TBCD: variants seen among roughly 807,000 people sequenced by gnomAD.
The protein encoded by TBCD is tubulin-specific chaperone D.
In TBCD, 105 loss-of-function variants were observed where a neutral mutation model predicts 169.3. That is an observed-to-expected ratio of 0.62 (90% CI 0.53 to 0.73). The LOEUF (loss-of-function observed/expected upper bound fraction) is 0.73. Among genes scored for constraint, TBCD ranks in the 30% least tolerant of loss-of-function variants. The pLI is 0.00. For missense variants in TBCD, 1,444 were observed against 1,600.1 expected (o/e 0.90, Z 1.66); for synonymous variants, 700 against 643.9 (o/e 1.09, Z -1.32).
chr17:82,863,340 C>G (rs193200942), intron 13 of TBCD, among the ~76,000 whole-genome samples: 1 of 152,138 alleles, frequency 6.6e-6, no homozygotes, highest in Non-Finnish European at 1.5e-5. Flanking sequence ...TTCGCAGACC[C>G]GGACGCAGCG....
intron 13 of TBCD, among the ~76,000 whole-genome samples, chr17:82,845,552 G>A: frequency 6.7e-6 from 1 of 149,638 alleles, no homozygotes; most frequent in Non-Finnish European, 1.5e-5. Flanking sequence ...ATCTTGTGTG[G>A]CCCAGCCCCT....
intron 5 of TBCD, among the ~76,000 whole-genome samples, chr17:82,770,946 G>A (rs2048276267): frequency 6.6e-6 from 1 of 151,728 alleles, no homozygotes; most frequent in Non-Finnish European, 1.5e-5. Context: ...CTACTTGGGA[G>A]GCTGAGGCAG....
chr17:82,846,316 CAG>C (rs1567879208), intron 13 of TBCD, among the ~76,000 whole-genome samples: 5,595 of 144,922 alleles, frequency 0.039, 523 homozygotes, highest in African/African-American at 0.084. Context: ...GTGCTGCGTC[CAG>C]CGTGCCGTGT....
At chr17:82,926,521 G>C in intron 28 of TBCD, 30 bp downstream of exon 28, 1 of 1,598,288 alleles carries the variant, frequency 6.3e-7, no homozygotes, top group Non-Finnish European at 8.6e-7. Flanking sequence ...CCCTAAAGTC[G>C]TAAGTCTCTG....
intron 29 of TBCD, 65 bp from the exon 30 acceptor site, chr17:82,927,840 G>A (rs142698206): frequency 1.4e-6 from 2 of 1,439,588 alleles, no homozygotes; most frequent in African/African-American, 1.4e-5. Flanking sequence ...CCGGCGTGGT[G>A]GGCAGAACCA....
Position 82,789,086 on chromosome 17 carries a change from A to G in TBCD, c.771+7365A>G, listed in dbSNP as rs1010603325. 2.0e-5 allele frequency among the ~76,000 whole-genome samples: 3 copies of G among 152,064 alleles called. No individual in the cohort carries two copies. Among genetic ancestry groups the G allele is most frequent in the Non-Finnish European group, 4.4e-5 (3 of 68,010 alleles). The stretch of plus-strand genomic sequence containing the variant: ...GTGCTCTCTTGGGGCAAGGTTTTGG[A>G]TGGAGAAAATAGGACAAGAGCAGTT... On this transcript the variant is annotated intron_variant, in intron 7 of 38. Coordinates refer to ENST00000355528, the MANE Select transcript of TBCD (RefSeq NM_005993.5). This position sits in a 1 kb window ranked among gnomAD's most constrained non-coding sequence, Gnocchi z 4.8.
chr17:82,803,649 G>C (rs569452342), intron 9 of TBCD, among the ~76,000 whole-genome samples: 3 of 152,184 alleles, frequency 2.0e-5, no homozygotes, highest in Non-Finnish European at 4.4e-5. Context: ...GCTTCCCCTC[G>C]CTGGGGATTG....
At chr17:82,937,817 C>A (rs1441328832) in intron 35 of TBCD, 2 of 1,444,518 alleles carry the variant, frequency 1.4e-6, no homozygotes, top group South Asian at 2.8e-5. Context: ...TGCAGGAGAT[C>A]CTCTGTGAGG....
intron 17 of TBCD, among the ~76,000 whole-genome samples, chr17:82,896,452 AG>A (rs1268550402): frequency 7.6e-5 from 8 of 104,620 alleles, no homozygotes; most frequent in Non-Finnish European, 1.3e-4. Context: ...CTGTGCTGTC[AG>A]TTTTTTTTTT....
intron 34 of TBCD, 110 bp downstream of exon 34, chr17:82,932,845 G>A: frequency 9.1e-7 from 1 of 1,100,008 alleles, no homozygotes; most frequent in Non-Finnish European, 1.3e-6. Flanking sequence ...TGATCTTCCA[G>A]TGCGTTCTGG....
chr17:82,880,054 C>T lies in TBCD; in HGVS notation c.1476-4091C>T, dbSNP rs113262454. ...CCTTTGCTCATGGGCTCTTCATCTACCTTCACAGCCAGCCACGTCCACGTC... is the reference window on the plus strand; with the variant it reads ...CCTTTGCTCATGGGCTCTTCATCTATCTTCACAGCCAGCCACGTCCACGTC... On this transcript the variant is annotated intron_variant, in intron 14 of 38. Transcript: ENST00000355528. The surrounding 1 kb of genome is among the most constrained non-coding windows in gnomAD (Gnocchi z 5.0). 8.5e-5 allele frequency among the ~76,000 whole-genome samples: 13 copies of T among 152,270 alleles called. No homozygotes were observed. Among genetic ancestry groups the T allele is most frequent in the African/African-American group, 3.1e-4 (13 of 41,540 alleles).
chr17:82,939,812 C>T (rs1420185187), intron 37 of TBCD, among the ~76,000 whole-genome samples: 2 of 152,210 alleles, frequency 1.3e-5, no homozygotes, highest in African/African-American at 4.8e-5. Context: ...TGCCCCAGAC[C>T]TCTCTAAAGT....
At chr17:82,783,537 G>A (rs183230193) in intron 7 of TBCD, among the ~76,000 whole-genome samples, 308 of 152,234 alleles carry the variant, frequency 2.0e-3, no homozygotes, top group African/African-American at 6.6e-3. Context: ...CCCTGCAGCC[G>A]TGGATCCATG....
At chr17:82,827,427 A>G (rs1303012189) in intron 13 of TBCD, among the ~76,000 whole-genome samples, 1 of 152,212 alleles carries the variant, frequency 6.6e-6, no homozygotes, top group African/African-American at 2.4e-5. Context: ...CCCTTTCTCA[A>G]GCAGAGCCTT....
rs2049557431 is a variant in TBCD at position 82,789,604 on chromosome 17, C to T, written c.771+7883C>T. 6.6e-6 allele frequency among the ~76,000 whole-genome samples: 1 copy of T among 152,206 alleles called. No homozygotes were observed. The highest frequency in any genetic ancestry group is 2.1e-4 in the South Asian group (1 of 4,834). ...GGGGTGCCCCTGCCCTCTCCCCTGCCCCGCCCTCACCTGGCTCACAGACCC... is the reference window on the plus strand; with the variant it reads ...GGGGTGCCCCTGCCCTCTCCCCTGCTCCGCCCTCACCTGGCTCACAGACCC... On this transcript the variant is annotated intron_variant, in intron 7 of 38. Transcript: ENST00000355528. This position sits in a 1 kb window ranked among gnomAD's most constrained non-coding sequence, Gnocchi z 4.8.
At chr17:82,900,946 G>A (rs1456581530) in intron 18 of TBCD, among the ~76,000 whole-genome samples, 2 of 152,250 alleles carry the variant, frequency 1.3e-5, no homozygotes, top group African/African-American at 2.4e-5. Context: ...CAGTGTGTCC[G>A]ACGTGGCGGT....
intron 13 of TBCD, among the ~76,000 whole-genome samples, chr17:82,863,505 A>C (rs2056940751): frequency 6.6e-6 from 1 of 152,254 alleles, no homozygotes; most frequent in South Asian, 2.1e-4. Context: ...GGAGAGAAGC[A>C]CTCACTCACA....
rs1384887827 is a variant in TBCD, at chr17:82,829,979, AC to A, written c.1318+15046del. On this transcript the variant is annotated intron_variant, in intron 13 of 38. Coordinates refer to ENST00000355528, the MANE Select transcript of TBCD (RefSeq NM_005993.5). ...ATATTCATGCTTAATATTTATAAAA[AC>A]TGAATTGGAGGGTTTTTTGTTTGTT... 4.2e-6 allele frequency: 5 copies of A among 1,191,350 alleles called. No homozygotes were observed. In the African/African-American group the frequency reaches 7.7e-5, roughly 18 times the overall value. 73.8% of individuals were successfully genotyped at this position (1,191,350 alleles called of 1,614,324 possible). A position where few individuals can be genotyped will look rare whatever the true frequency, so the allele number is the denominator to read the frequency against.
chr17:82,944,656 G>T lies in TBCD; in HGVS notation c.*2193G>T, dbSNP rs1412916238. 6.6e-6 allele frequency: 1 copy of T among 152,224 alleles called. No homozygotes were observed. The highest frequency in any genetic ancestry group is 1.5e-5 in the Non-Finnish European group (1 of 68,046). 9.4% of individuals were successfully genotyped at this position (152,224 alleles called of 1,614,324 possible). A position where few individuals can be genotyped will look rare whatever the true frequency, so the allele number is the denominator to read the frequency against. ...GCAAGCTTTGTGAGTTTAGAGAGCA[G>T]CAAGAAGCCAGTATCCCTGGGACCG... On this transcript the variant is annotated 3_prime_UTR_variant, in exon 39 of 39. Transcript: ENST00000355528.
Sources: allele counts gnomAD v4.1 joint callset (sites outside exome capture counted in the v4.1 genomes callset), GRCh38; gene constraint gnomAD v4.1.1; non-coding constraint Gnocchi (gnomAD v3.1); transcripts MANE v1.5; gene names NCBI Gene and HGNC (gene_info 2026-07-23, HGNC 2026-07-21).